Variants in CDH12 observed in about 807,000 individuals in gnomAD.
CDH12 encodes cadherin 12, also known as cadherin-12.
CDH12 carries 41 observed loss-of-function variants against 74.1 expected under a neutral mutation model. The observed-to-expected ratio is 0.55, with a 90% CI of 0.43 to 0.72. CDH12 has a LOEUF of 0.72. Among genes scored for constraint, CDH12 ranks in the 30% least tolerant of loss-of-function variants. CDH12 has a pLI of 0.00. For synonymous variants in CDH12, 399 were observed against 355.0 expected, an observed-to-expected ratio of 1.12 and a Z score of -1.39; for missense variants, 945 against 977.2, an observed-to-expected ratio of 0.97 and a Z score of 0.44.
chr5:22,720,988 G>T (rs1455228819), intron 1 of CDH12, among the ~76,000 whole-genome samples: 1 of 152,214 alleles, frequency 6.6e-6, no homozygotes, highest in African/African-American at 2.4e-5. Flanking sequence ...TTTCTGTGGA[G>T]AAATTCAAGC....
At chr5:21,806,871 A>G (rs1196750293) in intron 9 of CDH12, among the ~76,000 whole-genome samples, 3 of 152,186 alleles carry the variant, frequency 2.0e-5, no homozygotes, top group Non-Finnish European at 4.4e-5. Context: ...TTAACTTTGA[A>G]CCAAGGATGA....
At chr5:22,203,018 G>A (rs1440120460) in intron 4 of CDH12, among the ~76,000 whole-genome samples, 1 of 151,734 alleles carries the variant, frequency 6.6e-6, no homozygotes, top group Non-Finnish European at 1.5e-5. Flanking sequence ...AGAGTGTGAT[G>A]TTTCAACATA....
chr5:22,672,114 A>T (rs199740032), intron 1 of CDH12, among the ~76,000 whole-genome samples: 1 of 138,310 alleles, frequency 7.2e-6, no homozygotes, highest in Non-Finnish European at 1.5e-5. Flanking sequence ...ATTATATATA[A>T]ATATATATTA....
At chr5:22,644,034 G>A (rs1739305595) in intron 1 of CDH12, among the ~76,000 whole-genome samples, 1 of 151,894 alleles carries the variant, frequency 6.6e-6, no homozygotes, top group Non-Finnish European at 1.5e-5. Context: ...TCTTCTCCCT[G>A]TTCTAACCAC....
At chr5:21,898,318 G>A (rs575877556) in intron 6 of CDH12, among the ~76,000 whole-genome samples, 4 of 152,046 alleles carry the variant, frequency 2.6e-5, no homozygotes, top group Non-Finnish European at 5.9e-5. Context: ...CAAACTCCTG[G>A]TCTCAAGTGA....
chr5:22,585,375 C>A (rs753277904), intron 1 of CDH12, among the ~76,000 whole-genome samples: 1 of 152,132 alleles, frequency 6.6e-6, no homozygotes, highest in Non-Finnish European at 1.5e-5. Context: ...AGGCATAGAG[C>A]TCTTTTTTTT....
At chr5:22,462,186 T>C (rs1471604896) in intron 2 of CDH12, among the ~76,000 whole-genome samples, 1 of 152,026 alleles carries the variant, frequency 6.6e-6, no homozygotes, top group Non-Finnish European at 1.5e-5. Flanking sequence ...TGACAAATAA[T>C]ATATCAAGAA....
intron 1 of CDH12, among the ~76,000 whole-genome samples, chr5:22,556,942 A>G (rs928347752): frequency 3.9e-5 from 6 of 151,998 alleles, no homozygotes; most frequent in Admixed American, 2.6e-4. Context: ...CCTGACTTTG[A>G]TAAAGGACAA....
intron 4 of CDH12, among the ~76,000 whole-genome samples, chr5:22,136,197 A>G: frequency 6.6e-6 from 1 of 152,008 alleles, no homozygotes; most frequent in Non-Finnish European, 1.5e-5. Context: ...GTGGAAGGAG[A>G]GGAGGTAAAT....
At chr5:22,730,207 A>G (rs1744364157) in intron 1 of CDH12, among the ~76,000 whole-genome samples, 1 of 151,812 alleles carries the variant, frequency 6.6e-6, no homozygotes, top group Non-Finnish European at 1.5e-5. Flanking sequence ...AACAACAACA[A>G]AAACCCAGCA....
chr5:22,439,334 G>C (rs1166126903), intron 2 of CDH12, among the ~76,000 whole-genome samples: 1 of 151,918 alleles, frequency 6.6e-6, no homozygotes, highest in Non-Finnish European at 1.5e-5. Context: ...AAAATGTATT[G>C]CTTCAAGAAA....
chr5:21,907,957 T>C (rs1753712663), intron 6 of CDH12, among the ~76,000 whole-genome samples: 1 of 152,180 alleles, frequency 6.6e-6, no homozygotes, highest in Non-Finnish European at 1.5e-5. Context: ...GAATGCCCAG[T>C]ACATTGCAAC....
rs1309508111 is a variant in CDH12 at position 22,046,199 on chromosome 5, T to C, written c.231+32247A>G. Among the ~76,000 whole-genome samples, 4 of 152,224 alleles carry C rather than the reference T, an allele frequency of 2.6e-5. No individual in the cohort carries two copies. In the East Asian group the frequency reaches 7.7e-4, roughly 29 times the overall value. On this transcript the variant is annotated intron_variant, in intron 5 of 14. Coordinates refer to ENST00000382254, the MANE Select transcript of CDH12 (RefSeq NM_004061.5). ...ACAAATAAAGTGGACAATTTAAAAA[T>C]AATTTAAAAACTGACAAGATTTAGA...
chr5:22,805,010 T>C (rs1442514344), intron 1 of CDH12, among the ~76,000 whole-genome samples: 2 of 152,174 alleles, frequency 1.3e-5, no homozygotes, highest in African/African-American at 4.8e-5. Flanking sequence ...GGCAAGAATA[T>C]GAAGCAGAAG....
intron 5 of CDH12, among the ~76,000 whole-genome samples, chr5:22,011,909 G>T (rs918131834): frequency 2.0e-5 from 3 of 151,680 alleles, no homozygotes; most frequent in African/African-American, 7.2e-5. Context: ...ACTAGGGATT[G>T]GAAAACAAAG....
intron 4 of CDH12, among the ~76,000 whole-genome samples, chr5:22,088,567 C>G (rs1743212954): frequency 6.6e-6 from 1 of 152,122 alleles, no homozygotes; most frequent in African/African-American, 2.4e-5. Flanking sequence ...GTCCCAACTC[C>G]CAGTGTTGTT....
At chr5:22,722,590 T>C (rs1743956474) in intron 1 of CDH12, among the ~76,000 whole-genome samples, 1 of 152,180 alleles carries the variant, frequency 6.6e-6, no homozygotes, top group African/African-American at 2.4e-5. Flanking sequence ...TACTCACAAG[T>C]TCAAGTGATA....
chr5:22,727,733 T>A (rs1744232314), intron 1 of CDH12, among the ~76,000 whole-genome samples: 1 of 151,778 alleles, frequency 6.6e-6, no homozygotes, highest in Admixed American at 6.6e-5. Context: ...AGGTTGACTT[T>A]TTTTTTAATC....
chr5:22,428,611 G>A (rs1744040579), intron 2 of CDH12, among the ~76,000 whole-genome samples: 1 of 152,114 alleles, frequency 6.6e-6, no homozygotes. Flanking sequence ...ATGTAGATAG[G>A]TTTCCTGTTA....
Sources: allele counts gnomAD v4.1 joint callset (sites outside exome capture counted in the v4.1 genomes callset), GRCh38; gene constraint gnomAD v4.1.1; transcripts MANE v1.5; gene names NCBI Gene and HGNC (gene_info 2026-07-23, HGNC 2026-07-21).